ACSS3: variants seen among roughly 807,000 people sequenced by gnomAD.
The protein encoded by ACSS3 is acyl-CoA synthetase short-chain family member 3, mitochondrial.
A neutral mutation model predicts 84.2 loss-of-function variants in ACSS3; 64 were observed. The ratio of observed to expected loss-of-function variants is 0.76; its 90% CI spans 0.62 to 0.94. The LOEUF (loss-of-function observed/expected upper bound fraction) is 0.94, where lower values mean the gene tolerates loss of function less well. ACSS3 is among the 40% of genes least tolerant of loss of function. The probability of loss-of-function intolerance (pLI) is 0.00; values close to 1 mark genes in which losing one functional copy is unlikely to be tolerated. For missense variants in ACSS3, 815 were observed against 867.6 expected, an observed-to-expected ratio of 0.94 and a Z score of 0.76; for synonymous variants, 317 against 310.1, an observed-to-expected ratio of 1.02 and a Z score of -0.23.
intron 13 of ACSS3, among the ~76,000 whole-genome samples, chr12:81,250,124 A>G (rs1005648640): frequency 6.6e-6 from 1 of 152,042 alleles, no homozygotes; most frequent in Non-Finnish European, 1.5e-5. Context: ...GAGGGAATGC[A>G]TTAATGTGGT....
chr12:81,219,847 T>C lies in ACSS3; in HGVS notation c.1451-166T>C, dbSNP rs2033041986. On this transcript the variant is annotated intron_variant, in intron 10 of 15. Coordinates refer to ENST00000548058, the MANE Select transcript of ACSS3 (RefSeq NM_024560.4). ...TTAGGAATCAGATACATGTGCTCTT[T>C]ATTTTTTTGTAAGATATTTTAGTTT... Among the ~76,000 whole-genome samples, 6 of 152,204 alleles carry C rather than the reference T, an allele frequency of 3.9e-5. No individual in the cohort carries two copies. The South Asian group carries it at 1.2e-3, about 32-fold the overall frequency.
intron 1 of ACSS3, among the ~76,000 whole-genome samples, chr12:81,097,443 T>C (rs1882149581): frequency 6.6e-6 from 1 of 152,226 alleles, no homozygotes; most frequent in African/African-American, 2.4e-5. Flanking sequence ...TGGTTTCTTT[T>C]GTATTCGTTT....
At chr12:81,189,497 TG>T in intron 8 of ACSS3, among the ~76,000 whole-genome samples, 1 of 152,264 alleles carries the variant, frequency 6.6e-6, no homozygotes, top group Admixed American at 6.5e-5. Context: ...TTTTGGCCAT[TG>T]GAAGGTCCTC....
chr12:81,107,589 A>C (rs1386481202), intron 1 of ACSS3, among the ~76,000 whole-genome samples: 2 of 134,722 alleles, frequency 1.5e-5, no homozygotes, highest in Admixed American at 1.6e-4. Flanking sequence ...TCTATAAAAC[A>C]CCTTTCCTTA....
intron 9 of ACSS3, among the ~76,000 whole-genome samples, chr12:81,214,745 A>G (rs2032838703): frequency 1.3e-5 from 2 of 152,186 alleles, no homozygotes; most frequent in African/African-American, 4.8e-5. Flanking sequence ...GATAGGAACA[A>G]CAGAGTGATA....
At chr12:81,111,053 A>G (rs951518930) in intron 2 of ACSS3, among the ~76,000 whole-genome samples, 2 of 152,206 alleles carry the variant, frequency 1.3e-5, no homozygotes, top group African/African-American at 4.8e-5. Flanking sequence ...ATAAGAGAGA[A>G]GAGTTAGACC....
intron 1 of ACSS3, among the ~76,000 whole-genome samples, chr12:81,103,396 T>C (rs1882692604): frequency 6.6e-6 from 1 of 152,208 alleles, no homozygotes; most frequent in Non-Finnish European, 1.5e-5. Context: ...AGTCAGCACA[T>C]AGAAGGCATT....
At position 81,108,402 on chromosome 12, in the gene ACSS3, C is replaced by T. The variant is rs1021151780; in HGVS notation, c.312-1158C>T. ...CAAGCAGTTCTCTGCCTCAGCCTCC[C>T]GAGTAGCTGGAATTTCAGGCACCTG... On this transcript the variant is annotated intron_variant, in intron 1 of 15. Transcript: ENST00000548058. Among the ~76,000 whole-genome samples, 4 of 151,974 alleles carry T rather than the reference C, an allele frequency of 2.6e-5. No individual in the cohort carries two copies. In the East Asian group the frequency reaches 5.8e-4, roughly 22 times the overall value.
In ACSS3 at chr12:81,233,459, C is replaced by T. The variant is rs1921038; in HGVS notation, c.1707C>T (p.Gly569=). The change falls in exon 13 of 16, where the codon GGC becomes GGT. Residue 569 remains glycine, a synonymous_variant. Transcript: ENST00000548058. ...INVAGHRISA[G]AIEESILSHG... The stretch of plus-strand genomic sequence containing the variant: ...TTGCAGGTCACAGAATTTCTGCAGG[C>T]GCCATTGAAGAGGTATTGATGAATA... 0.2 allele frequency: 325,662 copies of T among 1,609,242 alleles called. 33,788 individuals carry two copies. Among genetic ancestry groups the T allele is most frequent in the Non-Finnish European group, 0.22 (253,351 of 1,176,684 alleles).
At chr12:81,182,379 A>G (rs2030994621) in intron 8 of ACSS3, among the ~76,000 whole-genome samples, 1 of 152,196 alleles carries the variant, frequency 6.6e-6, no homozygotes. Flanking sequence ...CCTGCCTTAT[A>G]AGAAACAATT....
chr12:81,155,326 C>A (rs1262595575), intron 7 of ACSS3, among the ~76,000 whole-genome samples: 1 of 152,136 alleles, frequency 6.6e-6, no homozygotes, highest in East Asian at 1.9e-4. Context: ...GGATAATCTC[C>A]AAGCAGTTTA....
intron 8 of ACSS3, among the ~76,000 whole-genome samples, chr12:81,179,778 C>CAAAAA (rs201290758): frequency 1.4e-5 from 1 of 73,506 alleles, no homozygotes; most frequent in African/African-American, 5.8e-5. Context: ...GACTCCGTCT[C>CAAAAA]AAAAAAAAAA....
At chr12:81,212,747 T>C (rs1197486069) in intron 9 of ACSS3, among the ~76,000 whole-genome samples, 1 of 152,192 alleles carries the variant, frequency 6.6e-6, no homozygotes, top group Non-Finnish European at 1.5e-5. Context: ...GTCAGAAATT[T>C]TAAAGTAAAT....
intron 7 of ACSS3, among the ~76,000 whole-genome samples, chr12:81,170,713 TG>T (rs2029970135): frequency 6.6e-6 from 1 of 152,166 alleles, no homozygotes; most frequent in South Asian, 2.1e-4. Flanking sequence ...ATTTCTAAAT[TG>T]AATATTGTCT....
At position 81,177,015 on chromosome 12, in the gene ACSS3, T is replaced by C. The variant is rs576921978; in HGVS notation, c.1250+2076T>C. 7.0e-4 allele frequency among the ~76,000 whole-genome samples: 106 copies of C among 152,274 alleles called. 3 individuals carry two copies. The South Asian group carries it at 0.021, about 31-fold the overall frequency. ...TGGAATGCAAGGTTGGTTCAACATA[T>C]GCAAATCACAAAATATGAGTCATCA... On this transcript the variant is annotated intron_variant, in intron 8 of 15. Transcript: ENST00000548058.
intron 11 of ACSS3, among the ~76,000 whole-genome samples, chr12:81,227,424 A>AC (rs1565732073): frequency 8.0e-6 from 1 of 124,490 alleles, no homozygotes; most frequent in African/African-American, 3.0e-5. Context: ...CACACACACA[A>AC]GTGTTGATTA....
chr12:81,234,272 C>T (rs2033557645), intron 13 of ACSS3, among the ~76,000 whole-genome samples: 1 of 151,024 alleles, frequency 6.6e-6, no homozygotes, highest in Admixed American at 6.6e-5. Context: ...TGCAGCTGTA[C>T]TAACAAGTTT....
chr12:81,219,724 G>A (rs891560427), intron 10 of ACSS3, among the ~76,000 whole-genome samples: 1 of 151,814 alleles, frequency 6.6e-6, no homozygotes, highest in African/African-American at 2.4e-5. Flanking sequence ...AGATTACAAG[G>A]GTATATTTAG....
chr12:81,090,012 A>G (rs1037406957), intron 1 of ACSS3, among the ~76,000 whole-genome samples: 1 of 152,006 alleles, frequency 6.6e-6, no homozygotes, highest in Non-Finnish European at 1.5e-5. Context: ...TCTGTTTTAC[A>G]TAGCAGAACC....
Sources: gnomAD v4.1 joint callset for allele counts (sites outside exome capture counted in the v4.1 genomes callset) on GRCh38, gnomAD v4.1.1 for gene constraint, MANE v1.5 for transcripts, NCBI Gene and HGNC (gene_info 2026-07-23, HGNC 2026-07-21) for gene names.